The following MEIKIN variants were observed in gnomAD, a reference collection of about 807,000 sequenced individuals.
MEIKIN encodes meiosis-specific kinetochore protein.
chr5:131,817,721 T>C (rs1008708489), intron 12 of MEIKIN, among the ~76,000 whole-genome samples: 1 of 152,124 alleles, frequency 6.6e-6, no homozygotes, highest in Non-Finnish European at 1.5e-5. Flanking sequence ...TAGCACTGAA[T>C]TGAGTATTCA....
At chr5:131,920,608 G>T (rs1751487120) in intron 6 of MEIKIN, among the ~76,000 whole-genome samples, 1 of 151,990 alleles carries the variant, frequency 6.6e-6, no homozygotes, top group Admixed American at 6.6e-5. Context: ...AAAAATGGGG[G>T]GACATCATGA....
chr5:131,808,150 G>A (rs1772880170), intron 12 of MEIKIN, among the ~76,000 whole-genome samples: 1 of 152,220 alleles, frequency 6.6e-6, no homozygotes, highest in South Asian at 2.1e-4. Flanking sequence ...GTACATTAAA[G>A]TCTGGGAAGT....
intron 11 of MEIKIN, among the ~76,000 whole-genome samples, chr5:131,831,865 T>G (rs1347344934): frequency 6.6e-6 from 1 of 152,148 alleles, no homozygotes; most frequent in Non-Finnish European, 1.5e-5. Context: ...TGAGGCTTAT[T>G]CACTATCACA....
At chr5:131,835,938 G>T (rs1749798629) in intron 11 of MEIKIN, among the ~76,000 whole-genome samples, 1 of 152,038 alleles carries the variant, frequency 6.6e-6, no homozygotes, top group African/African-American at 2.4e-5. Context: ...ACAGGTAGAG[G>T]TTTGTTATTA....
chr5:131,912,071 A>G (rs1751342413), intron 7 of MEIKIN, among the ~76,000 whole-genome samples, 192 bp from the exon 8 acceptor site: 1 of 152,098 alleles, frequency 6.6e-6, no homozygotes, highest in Non-Finnish European at 1.5e-5. Flanking sequence ...ATATATTTAT[A>G]CATTTATGAG....
At chr5:131,831,941 A>G (rs1266313552) in intron 11 of MEIKIN, among the ~76,000 whole-genome samples, 1 of 152,160 alleles carries the variant, frequency 6.6e-6, no homozygotes, top group Non-Finnish European at 1.5e-5. Flanking sequence ...TCCACAACAC[A>G]TGGGAATTCT....
At chr5:131,912,510 T>G (rs1191512837) in intron 7 of MEIKIN, among the ~76,000 whole-genome samples, 1 of 152,070 alleles carries the variant, frequency 6.6e-6, no homozygotes, top group Non-Finnish European at 1.5e-5. Context: ...GCTCAGCCTC[T>G]GACCACAAAA....
chr5:131,930,139 T>G (rs1309075760), intron 5 of MEIKIN, among the ~76,000 whole-genome samples: 1 of 152,214 alleles, frequency 6.6e-6, no homozygotes, highest in Non-Finnish European at 1.5e-5. Flanking sequence ...CCATTCCTCC[T>G]GTGTACCAGC....
intron 8 of MEIKIN, among the ~76,000 whole-genome samples, chr5:131,882,233 C>T (rs1750712555): frequency 6.6e-6 from 1 of 152,184 alleles, no homozygotes; most frequent in Non-Finnish European, 1.5e-5. Context: ...TACTCTCGCC[C>T]TCTTAATCTA....
At chr5:131,817,909 G>A (rs1773131769) in intron 12 of MEIKIN, among the ~76,000 whole-genome samples, 1 of 152,166 alleles carries the variant, frequency 6.6e-6, no homozygotes, top group Non-Finnish European at 1.5e-5. Flanking sequence ...AAGTGCCACT[G>A]AGTAATTAGA....
chr5:131,910,012 C>T (rs1354506494), intron 8 of MEIKIN, among the ~76,000 whole-genome samples: 1 of 152,040 alleles, frequency 6.6e-6, no homozygotes, highest in East Asian at 1.9e-4. Context: ...CTGTTTGGAG[C>T]TTCCTCGAAA....
intron 9 of MEIKIN, among the ~76,000 whole-genome samples, chr5:131,859,813 C>A (rs1750252069): frequency 1.3e-5 from 2 of 152,130 alleles, no homozygotes; most frequent in African/African-American, 4.8e-5. Flanking sequence ...AGAGACTGTC[C>A]TTTCCCCCGT....
intron 11 of MEIKIN, among the ~76,000 whole-genome samples, chr5:131,840,076 A>C (rs1421875019): frequency 6.6e-6 from 1 of 152,192 alleles, no homozygotes; most frequent in African/African-American, 2.4e-5. Flanking sequence ...GGTGAAAACA[A>C]ATTGCTTGTC....
intron 11 of MEIKIN, among the ~76,000 whole-genome samples, chr5:131,849,963 C>A (rs1029253780): frequency 1.3e-5 from 2 of 151,118 alleles, no homozygotes; most frequent in East Asian, 1.9e-4. Flanking sequence ...TAAATGAATT[C>A]AGCAAATTAA....
intron 11 of MEIKIN, among the ~76,000 whole-genome samples, chr5:131,836,630 G>C (rs10213676): frequency 1.3e-5 from 2 of 151,620 alleles, no homozygotes; most frequent in African/African-American, 4.8e-5. Context: ...GTTTTGACTA[G>C]CATTTCTCTA....
chr5:131,872,160 C>T (rs188729015), intron 9 of MEIKIN, among the ~76,000 whole-genome samples: 4,044 of 151,828 alleles, frequency 0.027, 186 homozygotes, highest in African/African-American at 0.092. Flanking sequence ...ATGACTTTGA[C>T]GAGTTGAGAG....
intron 12 of MEIKIN, among the ~76,000 whole-genome samples, chr5:131,816,591 C>G (rs1016372706): frequency 6.6e-6 from 1 of 152,170 alleles, no homozygotes; most frequent in African/African-American, 2.4e-5. Flanking sequence ...GTTTTATTCT[C>G]TCCGGAATGG....
intron 4 of MEIKIN, among the ~76,000 whole-genome samples, chr5:131,935,981 T>C (rs1273717781): frequency 6.6e-6 from 1 of 152,176 alleles, no homozygotes; most frequent in Non-Finnish European, 1.5e-5. Context: ...ACTTTTATCC[T>C]TCTCACACTG....
chr5:131,865,160 C>G (rs1359188292), intron 9 of MEIKIN, among the ~76,000 whole-genome samples: 1 of 150,340 alleles, frequency 6.7e-6, no homozygotes, highest in Non-Finnish European at 1.5e-5. Flanking sequence ...TTTTGGAATT[C>G]TCTTGCATCT....
Sources: allele counts gnomAD v4.1 joint callset (sites outside exome capture counted in the v4.1 genomes callset), GRCh38; gene constraint gnomAD v4.1.1; transcripts MANE v1.5; gene names NCBI Gene and HGNC (gene_info 2026-07-23, HGNC 2026-07-21).